Variants in DYDC2 observed in about 807,000 individuals in gnomAD.
DYDC2 encodes DPY30 domain-containing protein 2.
A neutral mutation model predicts 18.7 loss-of-function variants in DYDC2; 19 were observed. The observed-to-expected ratio is 1.02, with a 90% CI of 0.71 to 1.49. The LOEUF is 1.49. Ranked by LOEUF, DYDC2 falls within the 40% of genes most tolerant of loss-of-function variation. DYDC2 has a pLI of 0.00. For missense variants in DYDC2, 179 were observed against 205.1 expected, an observed-to-expected ratio of 0.87 and a Z score of 0.78; for synonymous variants, 63 against 67.6, an observed-to-expected ratio of 0.93 and a Z score of 0.34.
At chr10:80,359,040 G>T (rs1338608206) in intron 2 of DYDC2, among the ~76,000 whole-genome samples, 1 of 152,190 alleles carries the variant, frequency 6.6e-6, no homozygotes, top group African/African-American at 2.4e-5. Context: ...TTCCAGTGTG[G>T]AAGGGAACCC....
At chr10:80,347,108 C>A (rs1842689849) in intron 1 of DYDC2, among the ~76,000 whole-genome samples, 1 of 151,636 alleles carries the variant, frequency 6.6e-6, no homozygotes, top group African/African-American at 2.4e-5. Flanking sequence ...AGCAGCCATC[C>A]TAATAGGGGC....
At chr10:80,351,377 C>T (rs910927508) in intron 1 of DYDC2, among the ~76,000 whole-genome samples, 7 of 151,254 alleles carry the variant, frequency 4.6e-5, no homozygotes, top group African/African-American at 1.5e-4. Flanking sequence ...ACTCACTCCT[C>T]CACTACTGTG....
chr10:80,365,442 A>G (rs1843797963), intron 4 of DYDC2, among the ~76,000 whole-genome samples: 1 of 152,268 alleles, frequency 6.6e-6, no homozygotes, highest in Non-Finnish European at 1.5e-5. Flanking sequence ...ATTGTTTATA[A>G]AGATCTAAAC....
Position 80,367,466 on chromosome 10 carries a change from T to G in DYDC2, c.*515T>G, listed in dbSNP as rs929513601. 1.3e-5 allele frequency: 2 copies of G among 152,770 alleles called. No homozygotes were observed. Among genetic ancestry groups the G allele is most frequent in the African/African-American group, 4.8e-5 (2 of 41,452 alleles). The allele number at this position is 152,770 out of a possible 1,614,324, so 9.5% of individuals were successfully genotyped here. ...GTATCAAGCGAATGAACTACAGCTG[T>G]GAGGGTTTAGCATTTTCTTTGAAAC... On this transcript the variant is annotated 3_prime_UTR_variant, in exon 5 of 5. Coordinates refer to ENST00000256039, the MANE Select transcript of DYDC2 (RefSeq NM_032372.6).
rs376039277 is a variant in DYDC2 at position 80,346,338 on chromosome 10, C to T, written c.-310+1523C>T. ...TGGTAGCTTTTAATTTTTTGAAATA[C>T]ACCCATACCATTTTGCATAATGGCT... On this transcript the variant is annotated intron_variant, in intron 1 of 4. Coordinates refer to the DYDC2 transcript ENST00000372197. 1.3e-4 allele frequency among the ~76,000 whole-genome samples: 19 copies of T among 151,194 alleles called. No individual in the cohort carries two copies. The East Asian group carries it at 3.5e-3, about 28-fold the overall frequency.
chr10:80,352,869 T>A, upstream of DYDC2: 1 of 320,114 alleles, frequency 3.1e-6, no homozygotes, highest in Non-Finnish European at 5.6e-6. Flanking sequence ...AGAGATATTA[T>A]CATTATTGAT....
Position 80,357,880 on chromosome 10 carries a change from G to T in DYDC2, c.-162-13G>T. On this transcript the variant is annotated splice_polypyrimidine_tract_variant and intron_variant, in intron 1 of 4. Coordinates refer to ENST00000256039, the MANE Select transcript of DYDC2 (RefSeq NM_032372.6). The stretch of plus-strand genomic sequence containing the variant: ...AGAACTCTCTCAATGAATAAGTCAA[G>T]AAATATTTACAGAGCTCCCAGTGTG... 1 of 985,442 alleles carries T rather than the reference G, an allele frequency of 1.0e-6. No homozygotes were observed. The highest frequency in any genetic ancestry group is 1.7e-5 in the African/African-American group (1 of 57,352). The allele number at this position is 985,442 out of a possible 1,614,324, so 61.0% of individuals were successfully genotyped here. A position where few individuals can be genotyped will look rare whatever the true frequency, so the allele number is the denominator to read the frequency against.
At chr10:80,353,354 G>A (rs1436239286), upstream of DYDC2, among the ~76,000 whole-genome samples, 2 of 151,558 alleles carry the variant, frequency 1.3e-5, no homozygotes, top group Admixed American at 6.6e-5. Flanking sequence ...AGTAGAGACA[G>A]GGTTTCACTG....
upstream of DYDC2, chr10:80,356,214 C>T: frequency 1.0e-6 from 1 of 974,106 alleles, no homozygotes; most frequent in Non-Finnish European, 1.2e-6. Context: ...GGATAATACC[C>T]ATCTCTCCTG....
intron 2 of DYDC2, 44 bp downstream of exon 2, chr10:80,358,089 C>G (rs2132878003): frequency 1.0e-6 from 1 of 985,018 alleles, no homozygotes; most frequent in Non-Finnish European, 1.2e-6. Context: ...TAAAAGGCAT[C>G]CCCTTGGCCA....
At chr10:80,362,895 C>T (rs1843707245) in intron 3 of DYDC2, 56 bp from the exon 4 acceptor site, 9 of 1,579,608 alleles carry the variant, frequency 5.7e-6, no homozygotes, top group African/African-American at 1.4e-5. Flanking sequence ...GAGGGGGCCC[C>T]GTTTATAAGG....
At chr10:80,363,654 T>A (rs936262401) in intron 4 of DYDC2, among the ~76,000 whole-genome samples, 1 of 152,072 alleles carries the variant, frequency 6.6e-6, no homozygotes, top group African/African-American at 2.4e-5. Context: ...AGCCAAAAAA[T>A]CTGATTTTTA....
At chr10:80,347,766 T>C (rs1379593403) in intron 1 of DYDC2, among the ~76,000 whole-genome samples, 1 of 152,220 alleles carries the variant, frequency 6.6e-6, no homozygotes, top group African/African-American at 2.4e-5. Context: ...TGACCGTATA[T>C]ACTTGGGCTT....
At chr10:80,354,898 C>T (rs898831952), upstream of DYDC2, among the ~76,000 whole-genome samples, 5 of 151,908 alleles carry the variant, frequency 3.3e-5, no homozygotes, top group Non-Finnish European at 5.9e-5. Context: ...GCTACAGCAG[C>T]GCAAACTAAA....
intron 1 of DYDC2, among the ~76,000 whole-genome samples, chr10:80,348,570 C>T (rs760023845): frequency 2.6e-5 from 4 of 152,194 alleles, no homozygotes; most frequent in Admixed American, 6.5e-5. Flanking sequence ...ATGTATTTTC[C>T]AACCTCGAAC....
chr10:80,360,975 G>C (rs1210980947), intron 2 of DYDC2, among the ~76,000 whole-genome samples: 2 of 151,746 alleles, frequency 1.3e-5, no homozygotes, highest in Non-Finnish European at 2.9e-5. Flanking sequence ...GTTTTGCCTT[G>C]TTGCCCAGGC....
intron 2 of DYDC2, among the ~76,000 whole-genome samples, chr10:80,359,765 T>A (rs1459114813): frequency 2.6e-5 from 4 of 152,138 alleles, no homozygotes; most frequent in Non-Finnish European, 5.9e-5. Flanking sequence ...GGGCCTGCAG[T>A]GCTGGCCGGC....
upstream of DYDC2, chr10:80,352,684 G>A: frequency 8.8e-6 from 13 of 1,485,428 alleles, no homozygotes; most frequent in Non-Finnish European, 8.9e-7. Flanking sequence ...GTCCAGTGAG[G>A]TGAACAAAGC....
At chr10:80,358,237 GT>G (rs1479578099) in intron 2 of DYDC2, among the ~76,000 whole-genome samples, 192 bp downstream of exon 2, 2 of 152,148 alleles carry the variant, frequency 1.3e-5, no homozygotes, top group African/African-American at 2.4e-5. Flanking sequence ...AATTAGCCAG[GT>G]GTGGTGGCGC....
Sources: allele counts gnomAD v4.1 joint callset (sites outside exome capture counted in the v4.1 genomes callset), GRCh38; gene constraint gnomAD v4.1.1; transcripts MANE v1.5; gene names NCBI Gene and HGNC (gene_info 2026-07-23, HGNC 2026-07-21).